The following TMEM132D variants were observed in gnomAD, a reference collection of about 807,000 sequenced individuals.
TMEM132D encodes the protein mature OL transmembrane protein.
TMEM132D carries 21 observed loss-of-function variants against 62.3 expected under a neutral mutation model. The observed-to-expected ratio is 0.34, with a 90% CI of 0.24 to 0.49. The LOEUF is 0.49. Among genes scored for constraint, TMEM132D ranks in the 20% least tolerant of loss-of-function variants. TMEM132D has a pLI of 0.99. For missense variants in TMEM132D, 1,346 were observed against 1,402.8 expected, an observed-to-expected ratio of 0.96 and a Z score of 0.65; for synonymous variants, 621 against 575.6, an observed-to-expected ratio of 1.08 and a Z score of -1.13.
intron 4 of TMEM132D, among the ~76,000 whole-genome samples, chr12:129,250,006 G>C (rs147842626): frequency 1.3e-5 from 2 of 152,104 alleles, no homozygotes; most frequent in Non-Finnish European, 2.9e-5. Context: ...GGAGGTGGGC[G>C]TACCCCGCTG....
At position 129,121,661 on chromosome 12, in the gene TMEM132D, A is replaced by G. The variant is rs566087772; in HGVS notation, c.1444-36959T>C. On this transcript the variant is annotated intron_variant, in intron 5 of 8. Transcript: ENST00000422113. ...GAAGCACATTCTCTCCAAGACCCAG[A>G]GAAGGAAAATGCAGTCAAAGGAAAC... is the stretch of plus-strand genomic sequence containing the variant. 6.6e-5 allele frequency among the ~76,000 whole-genome samples: 10 copies of G among 152,274 alleles called. No individual in the cohort carries two copies. In the South Asian group the frequency reaches 2.1e-3, roughly 32 times the overall value.
chr12:129,547,899 C>G (rs899764088), intron 2 of TMEM132D, among the ~76,000 whole-genome samples: 1 of 152,140 alleles, frequency 6.6e-6, no homozygotes, highest in Non-Finnish European at 1.5e-5. Context: ...TAGTGGGCGG[C>G]CGACTCCAGG....
At chr12:129,399,887 G>T (rs1237334209) in intron 3 of TMEM132D, among the ~76,000 whole-genome samples, 4 of 150,898 alleles carry the variant, frequency 2.7e-5, no homozygotes, top group African/African-American at 7.4e-5. Context: ...GTGCGTGTGT[G>T]TGTGTGTGGG....
rs199662761 is a variant in TMEM132D at position 129,296,081 on chromosome 12, C to CAT, written c.1299+41552_1299+41553insAT. Among the ~76,000 whole-genome samples, 910 of 151,328 alleles carry CAT rather than the reference C, an allele frequency of 6.0e-3. 5 individuals are homozygous for CAT. Among genetic ancestry groups the CAT allele is most frequent in the Middle Eastern group, 0.01 (3 of 292 alleles). ...CTATATGAACATGCACACACACACA[C>CAT]ACACATATATATATATATACATATG... On this transcript the variant is annotated intron_variant, in intron 4 of 8. Coordinates refer to ENST00000422113, the MANE Select transcript of TMEM132D (RefSeq NM_133448.3).
At chr12:129,706,371 A>G (rs546835717) in intron 1 of TMEM132D, among the ~76,000 whole-genome samples, 1 of 152,118 alleles carries the variant, frequency 6.6e-6, no homozygotes, top group African/African-American at 2.4e-5. Context: ...AAAAAGTAAA[A>G]TTCAAGATAA....
chr12:129,269,592 G>C (rs1289414571), intron 4 of TMEM132D, among the ~76,000 whole-genome samples: 3 of 152,128 alleles, frequency 2.0e-5, no homozygotes, highest in African/African-American at 7.2e-5. Flanking sequence ...CGGAGGCCGT[G>C]GTAGTGAGAG....
chr12:129,180,686 T>C (rs1043520243), intron 5 of TMEM132D, among the ~76,000 whole-genome samples: 1 of 152,188 alleles, frequency 6.6e-6, no homozygotes, highest in East Asian at 1.9e-4. Context: ...TGGACCCAAA[T>C]GACACGAAGG....
intron 4 of TMEM132D, among the ~76,000 whole-genome samples, chr12:129,214,584 G>A (rs1879149970): frequency 6.6e-6 from 1 of 152,098 alleles, no homozygotes; most frequent in African/African-American, 2.4e-5. Flanking sequence ...CTTAATCTCT[G>A]ACACATTTCT....
At chr12:129,206,820 G>A (rs758184257) in intron 5 of TMEM132D, among the ~76,000 whole-genome samples, 2 of 152,186 alleles carry the variant, frequency 1.3e-5, no homozygotes, top group African/African-American at 2.4e-5. Flanking sequence ...GATGGAGCTA[G>A]AGGCCATTAT....
chr12:129,332,026 C>A (rs1453880452), intron 4 of TMEM132D, among the ~76,000 whole-genome samples: 2 of 152,140 alleles, frequency 1.3e-5, no homozygotes, highest in African/African-American at 4.8e-5. Flanking sequence ...GCCTGGGCAA[C>A]CTGGCAAAAC....
intron 1 of TMEM132D, among the ~76,000 whole-genome samples, chr12:129,818,425 G>A (rs1220652539): frequency 6.8e-6 from 1 of 147,166 alleles, no homozygotes; most frequent in Non-Finnish European, 1.5e-5. Context: ...AAGTGTGTAT[G>A]TGTGTGGTGG....
At chr12:129,104,119 T>A (rs1170096989) in intron 5 of TMEM132D, among the ~76,000 whole-genome samples, 1 of 149,104 alleles carries the variant, frequency 6.7e-6, no homozygotes, top group Non-Finnish European at 1.5e-5. Context: ...GCTGGAGGCA[T>A]CCCACTACCT....
intron 5 of TMEM132D, among the ~76,000 whole-genome samples, chr12:129,153,930 G>A (rs979219794): frequency 5.3e-5 from 8 of 152,308 alleles, no homozygotes; most frequent in Admixed American, 2.0e-4. Flanking sequence ...CTAGATGGAA[G>A]GAGATGACAC....
intron 2 of TMEM132D, among the ~76,000 whole-genome samples, chr12:129,689,562 A>G (rs865884965): frequency 3.3e-5 from 5 of 151,464 alleles, no homozygotes; most frequent in Admixed American, 6.6e-5. Flanking sequence ...TTCACACAAC[A>G]CTCCCTCTTA....
At chr12:129,761,412 C>T (rs1870373695) in intron 1 of TMEM132D, among the ~76,000 whole-genome samples, 2 of 152,230 alleles carry the variant, frequency 1.3e-5, no homozygotes, top group South Asian at 2.1e-4. Flanking sequence ...AGTCACTGCC[C>T]ACAGAGCTAT....
At chr12:129,695,922 T>C (rs1881195851) in intron 2 of TMEM132D, among the ~76,000 whole-genome samples, 1 of 152,226 alleles carries the variant, frequency 6.6e-6, no homozygotes, top group Non-Finnish European at 1.5e-5. Flanking sequence ...TTTTATTTAT[T>C]ATTTTTTCTT....
chr12:129,729,396 G>T (rs1285709978), intron 1 of TMEM132D, among the ~76,000 whole-genome samples: 1 of 152,138 alleles, frequency 6.6e-6, no homozygotes, highest in Non-Finnish European at 1.5e-5. Context: ...AGAAAACTTA[G>T]CATCATCTTT....
intron 5 of TMEM132D, among the ~76,000 whole-genome samples, chr12:129,201,932 T>C (rs1264483456): frequency 6.6e-6 from 1 of 152,102 alleles, no homozygotes; most frequent in Non-Finnish European, 1.5e-5. Flanking sequence ...GCATTTCCCA[T>C]TATTTCCAAC....
intron 5 of TMEM132D, among the ~76,000 whole-genome samples, chr12:129,129,823 A>G (rs1876319883): frequency 6.6e-6 from 1 of 152,144 alleles, no homozygotes. Flanking sequence ...ATGCAACTCT[A>G]AAGTGAGCTT....
Sources: gnomAD v4.1 joint callset for allele counts (sites outside exome capture counted in the v4.1 genomes callset) on GRCh38, gnomAD v4.1.1 for gene constraint, MANE v1.5 for transcripts, NCBI Gene and HGNC (gene_info 2026-07-23, HGNC 2026-07-21) for gene names.